Variants in IL22RA2 observed in about 807,000 individuals in gnomAD.
IL22RA2 encodes the protein interleukin 22 receptor subunit alpha 2, also known as interleukin-22 receptor subunit alpha-2.
A neutral mutation model predicts 30.7 loss-of-function variants in IL22RA2; 39 were observed. The observed-to-expected ratio is 1.27, with a 90% CI of 0.98 to 1.66. The LOEUF (loss-of-function observed/expected upper bound fraction) is 1.66. IL22RA2 is among the 40% of genes most tolerant of loss of function. IL22RA2 has a pLI of 0.00. For synonymous variants in IL22RA2, 103 were observed against 105.0 expected (o/e 0.98, Z 0.11); for missense variants, 315 against 312.7 (o/e 1.01, Z -0.05).
chr6:137,150,480 ATTTTTTTT>A (rs61381227), intron 5 of IL22RA2, among the ~76,000 whole-genome samples: 5 of 100,542 alleles, frequency 5.0e-5, no homozygotes, highest in African/African-American at 1.5e-4. Flanking sequence ...TTCTTTTCTG[ATTTTTTTT>A]TTTTTTTTTT....
intron 1 of IL22RA2, 34 bp from the exon 2 acceptor site, chr6:137,161,848 G>T: frequency 1.3e-6 from 1 of 795,110 alleles, no homozygotes; most frequent in African/African-American, 1.7e-5. Flanking sequence ...TCACTCCCGG[G>T]TTTAAGGCAG....
Position 137,165,326 on chromosome 6 carries a change from T to A in IL22RA2, c.-65-3512A>T, listed in dbSNP as rs1165377160. 2.0e-5 allele frequency among the ~76,000 whole-genome samples: 3 copies of A among 152,004 alleles called. No homozygotes were observed. The East Asian group carries it at 5.8e-4, about 29-fold the overall frequency. On this transcript the variant is annotated intron_variant, in intron 1 of 6. Coordinates refer to ENST00000296980, the MANE Select transcript of IL22RA2 (RefSeq NM_052962.3). ...TGACCCAGAGGCTGCGGGTAATCAG[T>A]GTATGGTTAATGTGGCATTTGTAAG...
At position 137,151,795 on chromosome 6, in the gene IL22RA2, C is replaced by T. The variant is rs147706233; in HGVS notation, c.472+3146G>A. On this transcript the variant is annotated intron_variant, in intron 5 of 6. Transcript: ENST00000296980. ...TACAAAATAGCCAATAAGCATAAAA[C>T]AGAAGCTCAACATCATTAATTAGCA... is the stretch of plus-strand genomic sequence containing the variant. Among the ~76,000 whole-genome samples the T allele has an allele frequency of 5.4e-3, 827 of 152,264 alleles. 9 individuals are homozygous for T. Among genetic ancestry groups the T allele is most frequent in the African/African-American group, 0.018 (762 of 41,542 alleles).
intron 5 of IL22RA2, among the ~76,000 whole-genome samples, chr6:137,148,679 C>T (rs1225775447): frequency 3.3e-5 from 5 of 152,106 alleles, no homozygotes; most frequent in Non-Finnish European, 7.4e-5. Flanking sequence ...TCCAGAATTT[C>T]TAAGTGTTTT....
chr6:137,161,626 C>A (rs529849250), intron 2 of IL22RA2, 63 bp downstream of exon 2: 3 of 1,394,750 alleles, frequency 2.2e-6, no homozygotes, highest in Non-Finnish European at 3.0e-6. Context: ...CCATTTCCAA[C>A]AGATCCTTGA....
At chr6:137,167,146 G>C (rs1778642170) in intron 1 of IL22RA2, among the ~76,000 whole-genome samples, 1 of 152,162 alleles carries the variant, frequency 6.6e-6, no homozygotes. Flanking sequence ...CAGCATTTGT[G>C]GCAGAAATAG....
At chr6:137,152,647 A>C (rs1778313430) in intron 5 of IL22RA2, among the ~76,000 whole-genome samples, 1 of 152,242 alleles carries the variant, frequency 6.6e-6, no homozygotes, top group Admixed American at 6.5e-5. Context: ...ATGGTTGTAC[A>C]TATTTGTGAA....
At chr6:137,154,829 A>T (rs551651358) in intron 5 of IL22RA2, 112 bp downstream of exon 5, 2 of 819,822 alleles carry the variant, frequency 2.4e-6, no homozygotes, top group African/African-American at 3.4e-5. Flanking sequence ...AGACCAAAAG[A>T]GATAATGATG....
rs762917120 is a variant in IL22RA2 at position 137,147,734 on chromosome 6, A to G, written c.630T>C (p.Asn210=). The change falls in exon 6 of 7, where the codon AAT becomes AAC. Residue 210 remains asparagine (N), a synonymous_variant. Coordinates refer to ENST00000296980, the MANE Select transcript of IL22RA2 (RefSeq NM_052962.3). ...CATCTGAACTTACCTTTTCTAGTGA[A>G]TTGTTAATTATAAAAACTCGGTATA... is the stretch of plus-strand genomic sequence containing the variant. ...ELLYRVFIIN[N]SLEKEQKVYE... 1.3e-6 allele frequency: 2 copies of G among 1,547,698 alleles called. No individual in the cohort carries two copies. The highest frequency in any genetic ancestry group is 1.2e-5 in the South Asian group (1 of 85,370).
At chr6:137,167,591 A>G (rs1778649545) in intron 1 of IL22RA2, among the ~76,000 whole-genome samples, 1 of 152,188 alleles carries the variant, frequency 6.6e-6, no homozygotes, top group Non-Finnish European at 1.5e-5. Context: ...CAACCACTTT[A>G]GGGCCTTTAT....
chr6:137,172,776 T>G (rs559749588), intron 1 of IL22RA2, among the ~76,000 whole-genome samples: 1 of 152,336 alleles, frequency 6.6e-6, no homozygotes, highest in African/African-American at 2.4e-5. Context: ...CTTCTTCCTT[T>G]CTTCTTGTGG....
At chr6:137,167,288 A>G (rs548621543) in intron 1 of IL22RA2, among the ~76,000 whole-genome samples, 2 of 152,216 alleles carry the variant, frequency 1.3e-5, no homozygotes, top group Non-Finnish European at 2.9e-5. Context: ...CATGAAACTC[A>G]TCTAAGATGG....
chr6:137,158,633 TGAA>T, intron 2 of IL22RA2, 151 bp from the exon 3 acceptor site: 1 of 727,880 alleles, frequency 1.4e-6, no homozygotes. Context: ...ATCAACATTT[TGAA>T]TCTTCAATGC....
intron 4 of IL22RA2, among the ~76,000 whole-genome samples, chr6:137,155,320 G>A (rs1044497560): frequency 6.6e-6 from 1 of 151,802 alleles, no homozygotes; most frequent in Non-Finnish European, 1.5e-5. Flanking sequence ...CTGAATACCC[G>A]AGACTGGGTA....
At chr6:137,163,329 C>G (rs975731476) in intron 1 of IL22RA2, among the ~76,000 whole-genome samples, 1 of 152,162 alleles carries the variant, frequency 6.6e-6, no homozygotes, top group African/African-American at 2.4e-5. Flanking sequence ...CTCTCCTGAA[C>G]CTTTTTCGGT....
chr6:137,161,540 C>T (rs929382221), intron 2 of IL22RA2, 149 bp downstream of exon 2: 4 of 653,414 alleles, frequency 6.1e-6, no homozygotes, highest in Non-Finnish European at 1.1e-5. Flanking sequence ...CAGATAGACA[C>T]TAACCCCATG....
intron 1 of IL22RA2, among the ~76,000 whole-genome samples, chr6:137,162,904 AC>A (rs1233966407): frequency 6.6e-6 from 1 of 152,214 alleles, no homozygotes; most frequent in Non-Finnish European, 1.5e-5. Flanking sequence ...AAGGAAATCA[AC>A]TATAACCTAA....
At chr6:137,155,515 T>TATATAAA (rs1778386544) in intron 4 of IL22RA2, among the ~76,000 whole-genome samples, 1 of 150,056 alleles carries the variant, frequency 6.7e-6, no homozygotes, top group Non-Finnish European at 1.5e-5. Context: ...TATACATATA[T>TATATAAA]ATATAAAATA....
chr6:137,146,605 T>C (rs1189619569), intron 6 of IL22RA2, among the ~76,000 whole-genome samples: 1 of 152,172 alleles, frequency 6.6e-6, no homozygotes, highest in Non-Finnish European at 1.5e-5. Context: ...TTTCTGCTCC[T>C]TACGACAAAA....
Sources: gnomAD v4.1 joint callset for allele counts (sites outside exome capture counted in the v4.1 genomes callset) on GRCh38, gnomAD v4.1.1 for gene constraint, MANE v1.5 for transcripts, NCBI Gene and HGNC (gene_info 2026-07-23, HGNC 2026-07-21) for gene names.